Variants in NLGN1 observed in about 807,000 individuals in gnomAD.
The protein encoded by NLGN1 is neuroligin 1, also known as neuroligin-1.
NLGN1 carries 12 observed loss-of-function variants against 65.5 expected under a neutral mutation model. The ratio of observed to expected loss-of-function variants is 0.18; its 90% confidence interval spans 0.12 to 0.30. NLGN1 has a LOEUF of 0.30. Among genes scored for constraint, NLGN1 ranks in the 10% least tolerant of loss-of-function variants. The pLI, the probability that NLGN1 is intolerant of heterozygous loss-of-function variation, is 1.00. For missense variants in NLGN1, 750 were observed against 1,007.1 expected (o/e 0.74, Z 3.46); for synonymous variants, 350 against 359.5 (o/e 0.97, Z 0.30).
chr3:173,539,162 G>A (rs1577165774), intron 2 of NLGN1, among the ~76,000 whole-genome samples: 1 of 151,018 alleles, frequency 6.6e-6, no homozygotes, highest in South Asian at 2.1e-4. Flanking sequence ...GTCCACTTTC[G>A]GGTGGTGCCT....
intron 4 of NLGN1, among the ~76,000 whole-genome samples, chr3:174,268,844 T>C (rs1248753550): frequency 6.6e-6 from 1 of 151,912 alleles, no homozygotes; most frequent in Non-Finnish European, 1.5e-5. Context: ...CTGAGACAAG[T>C]CATTAAAGAG....
At chr3:173,582,561 C>T (rs1746562977) in intron 2 of NLGN1, among the ~76,000 whole-genome samples, 1 of 151,972 alleles carries the variant, frequency 6.6e-6, no homozygotes, top group Non-Finnish European at 1.5e-5. Flanking sequence ...GGATTGAGGA[C>T]CTTTTTCAGA....
chr3:174,169,101 G>A (rs1728063417), intron 4 of NLGN1, among the ~76,000 whole-genome samples: 1 of 150,554 alleles, frequency 6.6e-6, no homozygotes. Context: ...GAGCAGAGAG[G>A]GGTCTCTGTA....
At chr3:173,661,666 A>T in intron 3 of NLGN1, among the ~76,000 whole-genome samples, 1 of 152,032 alleles carries the variant, frequency 6.6e-6, no homozygotes, top group East Asian at 1.9e-4. Context: ...GATTAGAGAA[A>T]TGTGTACTAT....
chr3:174,141,645 T>G (rs2152689524), intron 4 of NLGN1, among the ~76,000 whole-genome samples: 1 of 152,288 alleles, frequency 6.6e-6, no homozygotes, highest in East Asian at 1.9e-4. Flanking sequence ...AACAAATATG[T>G]TTAGTACCTA....
chr3:173,745,227 T>C (rs919913390), intron 3 of NLGN1, among the ~76,000 whole-genome samples: 1 of 151,954 alleles, frequency 6.6e-6, no homozygotes, highest in Non-Finnish European at 1.5e-5. Flanking sequence ...TCATTACAGA[T>C]TGAATGAAGA....
intron 4 of NLGN1, among the ~76,000 whole-genome samples, chr3:174,149,105 A>G (rs192961064): frequency 6.6e-6 from 1 of 152,312 alleles, no homozygotes; most frequent in Admixed American, 6.5e-5. Flanking sequence ...AGAAGTTCCT[A>G]AGGCAAAACT....
chr3:173,480,456 G>A (rs1727085572), intron 2 of NLGN1, among the ~76,000 whole-genome samples: 1 of 152,054 alleles, frequency 6.6e-6, no homozygotes, highest in Admixed American at 6.6e-5. Flanking sequence ...TGGTTTGCAC[G>A]TATGCACTCA....
chr3:174,060,121 A>T (rs1415192949), intron 4 of NLGN1, among the ~76,000 whole-genome samples: 1 of 152,146 alleles, frequency 6.6e-6, no homozygotes, highest in East Asian at 1.9e-4. Context: ...TTGTATTTCT[A>T]CATGGTACTT....
chr3:173,698,989 T>G (rs1467317410), intron 3 of NLGN1, among the ~76,000 whole-genome samples: 3 of 152,090 alleles, frequency 2.0e-5, no homozygotes, highest in Non-Finnish European at 4.4e-5. Context: ...CCCGAGTAGC[T>G]GGGATTACAC....
At position 174,194,786 on chromosome 3, in the gene NLGN1, T is replaced by TA. The variant is rs548336247; in HGVS notation, c.647-80513dup. Among the ~76,000 whole-genome samples the TA allele has an allele frequency of 3.1e-3, 325 of 104,638 alleles. 2 individuals are homozygous for TA. The highest frequency in any genetic ancestry group is 0.01 in the Middle Eastern group (2 of 194). 68.6% of individuals were successfully genotyped at this position (104,638 alleles called of 152,430 possible). ...GATAAAGAAAATATAACCTATTCAC[T>TA]AAAAAAAAAAAAAAAAGGAAATGAG... On this transcript the variant is annotated intron_variant, in intron 4 of 6. Transcript: ENST00000457714.
intron 3 of NLGN1, among the ~76,000 whole-genome samples, chr3:173,674,974 A>T (rs1235593435): frequency 6.7e-6 from 1 of 150,366 alleles, no homozygotes; most frequent in African/African-American, 2.4e-5. Context: ...TATTTTGACT[A>T]ACTAAATTTT....
At chr3:174,248,973 A>G (rs1577579225) in intron 4 of NLGN1, among the ~76,000 whole-genome samples, 1 of 152,178 alleles carries the variant, frequency 6.6e-6, no homozygotes, top group African/African-American at 2.4e-5. Flanking sequence ...CCCCACATCC[A>G]GGAAATCTGC....
At position 173,581,862 on chromosome 3, in the gene NLGN1, T is replaced by C. The variant is rs189597752; in HGVS notation, c.-320-22417T>C. On this transcript the variant is annotated intron_variant, in intron 2 of 6. Coordinates refer to ENST00000457714, the Ensembl canonical transcript of NLGN1. ...ATAAACAATTTATATAGTAATATTG[T>C]AAACACCCATGTACTCAAGATTCAG... Among the ~76,000 whole-genome samples, 3 of 152,106 alleles carry C rather than the reference T, an allele frequency of 2.0e-5. No homozygotes were observed. The East Asian group carries it at 5.8e-4, about 29-fold the overall frequency.
At chr3:173,453,363 G>T (rs1721962301) in intron 2 of NLGN1, among the ~76,000 whole-genome samples, 1 of 151,484 alleles carries the variant, frequency 6.6e-6, no homozygotes, top group Non-Finnish European at 1.5e-5. Flanking sequence ...CTCCCAAAGT[G>T]CTGGGATTGG....
intron 4 of NLGN1, among the ~76,000 whole-genome samples, chr3:174,009,918 A>T (rs959929280): frequency 6.6e-6 from 1 of 152,134 alleles, no homozygotes; most frequent in Non-Finnish European, 1.5e-5. Flanking sequence ...TGCCATGCAT[A>T]GGGGACAGGG....
At chr3:173,989,809 A>T (rs183099996) in intron 4 of NLGN1, among the ~76,000 whole-genome samples, 63 of 152,174 alleles carry the variant, frequency 4.1e-4, no homozygotes, top group African/African-American at 1.5e-3. Flanking sequence ...TCATAGCTTC[A>T]TGTCCTCAGA....
At chr3:173,650,537 G>T (rs76648315) in intron 3 of NLGN1, among the ~76,000 whole-genome samples, 5,392 of 152,188 alleles carry the variant, frequency 0.035, 155 homozygotes, top group Non-Finnish European at 0.056. Context: ...AATACAACAG[G>T]TTAGGAATGG....
At chr3:174,060,149 C>A (rs1737077848) in intron 4 of NLGN1, among the ~76,000 whole-genome samples, 1 of 152,080 alleles carries the variant, frequency 6.6e-6, no homozygotes, top group Non-Finnish European at 1.5e-5. Context: ...GGTTATATTT[C>A]ACCATGGTAT....
Sources: allele counts gnomAD v4.1 joint callset (sites outside exome capture counted in the v4.1 genomes callset), GRCh38; gene constraint gnomAD v4.1.1; transcripts MANE v1.5; gene names NCBI Gene and HGNC (gene_info 2026-07-23, HGNC 2026-07-21).